MYO16: variants seen among roughly 807,000 people sequenced by gnomAD.
MYO16 encodes the protein myosin XVI.
In MYO16, 94 loss-of-function variants were observed where a neutral mutation model predicts 205.3. The observed-to-expected ratio is 0.46, with a 90% confidence interval of 0.39 to 0.54. MYO16 has a LOEUF of 0.54. Ranked by LOEUF, MYO16 falls within the 20% of genes least tolerant of loss-of-function variation. MYO16 has a pLI of 0.00. For missense variants in MYO16, 2,315 were observed against 2,387.5 expected (o/e 0.97, Z 0.63); for synonymous variants, 988 against 954.0 (o/e 1.04, Z -0.66).
At chr13:108,894,117 T>C (rs1267995416) in intron 14 of MYO16, among the ~76,000 whole-genome samples, 1 of 152,038 alleles carries the variant, frequency 6.6e-6, no homozygotes, top group Non-Finnish European at 1.5e-5. Context: ...AGAGAGAGCA[T>C]GCGCAGGGGA....
At chr13:108,684,799 C>T (rs941861258) in intron 2 of MYO16, among the ~76,000 whole-genome samples, 9 of 152,092 alleles carry the variant, frequency 5.9e-5, no homozygotes, top group African/African-American at 2.2e-4. Flanking sequence ...AGAGAGTTCC[C>T]GGATTACTGA....
At chr13:108,500,219 T>G in the MYO16 span, among the ~76,000 whole-genome samples, 3 of 6,482 alleles carry the variant, frequency 4.6e-4, no homozygotes, top group African/African-American at 6.2e-4. Context: ...TTTTTTTTTT[T>G]TGTTTTTTTT....
intron 16 of MYO16, among the ~76,000 whole-genome samples, chr13:108,919,846 A>G (rs1204308294): frequency 6.6e-6 from 1 of 152,252 alleles, no homozygotes; most frequent in Non-Finnish European, 1.5e-5. Flanking sequence ...CATAAAAAAC[A>G]TGACCCAACC....
the MYO16 span, among the ~76,000 whole-genome samples, chr13:108,574,669 T>TTGTGTGTGTGTGTG: frequency 2.9e-4 from 40 of 136,584 alleles, no homozygotes; most frequent in East Asian, 1.1e-3. Flanking sequence ...CAATAACAAT[T>TTGTGTGTGTGTGTG]TGTGTGTGTG....
intron 23 of MYO16, among the ~76,000 whole-genome samples, chr13:109,046,249 T>C (rs1281623748): frequency 3.3e-5 from 5 of 152,202 alleles, no homozygotes; most frequent in African/African-American, 4.8e-5. Flanking sequence ...TTTTAAAGAA[T>C]GTATGGCTGA....
the MYO16 span, among the ~76,000 whole-genome samples, chr13:108,552,186 T>C: frequency 1.5e-3 from 231 of 152,310 alleles, no homozygotes; most frequent in Non-Finnish European, 2.9e-3. Context: ...TACAGGCGTC[T>C]CTTGCACCTT....
chr13:109,022,728 T>G (rs1197393434), intron 23 of MYO16, among the ~76,000 whole-genome samples: 1 of 59,774 alleles, frequency 1.7e-5, no homozygotes, highest in Non-Finnish European at 3.9e-5. Context: ...TATAAACATA[T>G]GTATATATTA....
the MYO16 span, among the ~76,000 whole-genome samples, chr13:108,564,374 C>T: frequency 2.6e-5 from 4 of 152,062 alleles, no homozygotes; most frequent in South Asian, 8.3e-4. Flanking sequence ...TTTCGCCATG[C>T]TGGTCAGTCT....
At chr13:108,955,400 C>T (rs1328255379) in intron 16 of MYO16, among the ~76,000 whole-genome samples, 1 of 152,160 alleles carries the variant, frequency 6.6e-6, no homozygotes, top group Non-Finnish European at 1.5e-5. Flanking sequence ...TGTTCTTCCA[C>T]CATCAGCCGA....
chr13:109,120,998 G>A (rs157017), intron 29 of MYO16, among the ~76,000 whole-genome samples: 1,882 of 152,214 alleles, frequency 0.012, 44 homozygotes, highest in African/African-American at 0.042. Context: ...GCAGTGAGCC[G>A]TGTTTCTACC....
chr13:108,808,716 T>TA (rs113539375), intron 7 of MYO16, among the ~76,000 whole-genome samples: 2,438 of 151,516 alleles, frequency 0.016, 57 homozygotes, highest in African/African-American at 0.055. Context: ...TGTTATGTGG[T>TA]AAAAAAAAAT....
the MYO16 span, among the ~76,000 whole-genome samples, chr13:108,560,808 C>T: frequency 1.3e-5 from 2 of 151,982 alleles, no homozygotes; most frequent in Non-Finnish European, 2.9e-5. Context: ...ATAAGTAGTT[C>T]AAATCAGATA....
chr13:108,814,637 A>G (rs1354425233), intron 7 of MYO16, among the ~76,000 whole-genome samples: 1 of 152,202 alleles, frequency 6.6e-6, no homozygotes, highest in Non-Finnish European at 1.5e-5. Context: ...ACTTCTAAGT[A>G]TAAGCACCCT....
intron 16 of MYO16, among the ~76,000 whole-genome samples, chr13:108,939,424 A>G (rs566872909): frequency 2.6e-5 from 4 of 152,292 alleles, no homozygotes; most frequent in African/African-American, 9.6e-5. Flanking sequence ...ACATGCCATC[A>G]TTGAGGCTGT....
intron 1 of MYO16, among the ~76,000 whole-genome samples, chr13:108,608,616 C>A (rs1879051206): frequency 6.6e-6 from 1 of 150,848 alleles, no homozygotes; most frequent in African/African-American, 2.4e-5. Flanking sequence ...TATATCAGTG[C>A]AGAAACAAAT....
intron 19 of MYO16, among the ~76,000 whole-genome samples, chr13:108,964,210 T>G (rs1416082465): frequency 1.3e-5 from 2 of 152,190 alleles, no homozygotes; most frequent in Non-Finnish European, 2.9e-5. Flanking sequence ...CTTTTTTCCT[T>G]GGGCCCACCT....
chr13:108,924,008 C>T (rs1881866073), intron 16 of MYO16, among the ~76,000 whole-genome samples: 1 of 152,084 alleles, frequency 6.6e-6, no homozygotes, highest in Admixed American at 6.6e-5. Flanking sequence ...ACTCTTTGGG[C>T]CATGAAGCTT....
intron 24 of MYO16, 138 bp from the exon 25 acceptor site, chr13:109,052,162 A>G (rs117211928): frequency 0.04 from 27,541 of 686,580 alleles, 678 homozygotes; most frequent in South Asian, 0.054. Context: ...AGGAAAAGGT[A>G]GACTCCTCAA....
At position 108,701,841 on chromosome 13, in the gene MYO16, A is replaced by G. The variant is rs151079549; in HGVS notation, c.293-10820A>G. On this transcript the variant is annotated intron_variant, in intron 2 of 34. Transcript: ENST00000457511. ...CGCTAAAGGAAAGTATGAAAGTGGTATCTCCCCACATAGAGAAGAACAATT... is the reference window on the plus strand; with the variant it reads ...CGCTAAAGGAAAGTATGAAAGTGGTGTCTCCCCACATAGAGAAGAACAATT... 5.2e-4 allele frequency among the ~76,000 whole-genome samples: 79 copies of G among 152,310 alleles called. 1 individual carries two copies. The East Asian group carries it at 0.015, about 29-fold the overall frequency.
Sources: gnomAD v4.1 joint callset for allele counts (sites outside exome capture counted in the v4.1 genomes callset) on GRCh38, gnomAD v4.1.1 for gene constraint, MANE v1.5 for transcripts, NCBI Gene and HGNC (gene_info 2026-07-23, HGNC 2026-07-21) for gene names.